The following AMZ1 variants were observed in gnomAD, a reference collection of about 807,000 sequenced individuals.
The protein encoded by AMZ1 is archaelysin family metallopeptidase 1.
In AMZ1, 39 loss-of-function variants were observed where a neutral mutation model predicts 29.9. That is an observed-to-expected ratio of 1.30 (90% CI 1.01 to 1.70). The LOEUF is 1.70. Among genes scored for constraint, AMZ1 ranks in the 40% most tolerant of loss-of-function variants. AMZ1 has a pLI of 0.00. For missense variants in AMZ1, 1,041 were observed against 680.6 expected (o/e 1.53, Z -5.89); for synonymous variants, 458 against 304.0 (o/e 1.51, Z -5.27).
At position 2,713,100 on chromosome 7, in the gene AMZ1, G is replaced by C; in HGVS notation, c.*222G>C. ...AAAAGAAAAATTAAAAAATTAGCTG[G>C]ATGAAGTGGTTCATGCCTGTGTTCC... On this transcript the variant is annotated 3_prime_UTR_variant, in exon 7 of 7. Coordinates refer to ENST00000683327, the MANE Select transcript of AMZ1 (RefSeq NM_001384743.1). 2.3e-6 allele frequency: 1 copy of C among 437,994 alleles called. No individual in the cohort carries two copies. The highest frequency in any genetic ancestry group is 3.9e-6 in the Non-Finnish European group (1 of 257,226). 27.1% of individuals were successfully genotyped at this position (437,994 alleles called of 1,614,324 possible). A position where few individuals can be genotyped will look rare whatever the true frequency, so the allele number is the denominator to read the frequency against.
intron 3 of AMZ1, among the ~76,000 whole-genome samples, chr7:2,704,448 C>G (rs1224442950): frequency 6.6e-6 from 1 of 151,024 alleles, no homozygotes. Context: ...ACTGTATTCC[C>G]CTCTATCCTG....
intron 4 of AMZ1, among the ~76,000 whole-genome samples, chr7:2,739,344 C>T (rs148735069): frequency 2.6e-5 from 4 of 152,308 alleles, no homozygotes; most frequent in South Asian, 2.1e-4. Flanking sequence ...ATGGATTTGC[C>T]GGTTCTGGAT....
chr7:2,692,531 G>A (rs551640227), intron 1 of AMZ1, among the ~76,000 whole-genome samples: 24 of 152,252 alleles, frequency 1.6e-4, no homozygotes, highest in Non-Finnish European at 2.9e-4. Context: ...GATAGAGTGA[G>A]GCTCCATCTC....
At chr7:2,764,275 A>AT (rs1263078314), upstream of AMZ1, among the ~76,000 whole-genome samples, 1 of 145,346 alleles carries the variant, frequency 6.9e-6, no homozygotes, top group African/African-American at 2.6e-5. Context: ...TAAAGATGGG[A>AT]TCTCACTATG....
chr7:2,708,176 G>A (rs575489628), intron 3 of AMZ1, among the ~76,000 whole-genome samples: 10 of 152,194 alleles, frequency 6.6e-5, no homozygotes, highest in Middle Eastern at 3.4e-3. Context: ...GCAGAAAAAC[G>A]CCTCCATCCC....
intron 4 of AMZ1, among the ~76,000 whole-genome samples, chr7:2,725,884 C>A (rs1195489239): frequency 6.6e-6 from 1 of 152,220 alleles, no homozygotes; most frequent in Non-Finnish European, 1.5e-5. Flanking sequence ...CAGACCCTCC[C>A]CTGGTGCCTC....
chr7:2,722,019 C>G (rs1415354881), downstream of AMZ1, among the ~76,000 whole-genome samples: 1 of 152,200 alleles, frequency 6.6e-6, no homozygotes, highest in African/African-American at 2.4e-5. Context: ...CTTGGAGGGG[C>G]TGCACAGAGC....
At chr7:2,709,965 C>T (rs1332243719) in intron 6 of AMZ1, 149 bp downstream of exon 6, 3 of 1,129,310 alleles carry the variant, frequency 2.7e-6, no homozygotes, top group Non-Finnish European at 3.8e-6. Context: ...GGGACCTGCG[C>T]TGGGGTTGAG....
At chr7:2,709,040 C>A (rs376387894) in intron 4 of AMZ1, 35 bp from the exon 5 acceptor site, 2 of 1,533,946 alleles carry the variant, frequency 1.3e-6, no homozygotes, top group Admixed American at 2.1e-5. Flanking sequence ...CCAAGGCTGA[C>A]CCCTGAGAGT....
chr7:2,750,307 A>C (rs1790971300), intron 4 of AMZ1, among the ~76,000 whole-genome samples: 1 of 152,208 alleles, frequency 6.6e-6, no homozygotes, highest in African/African-American at 2.4e-5. Context: ...AGACAGGCAA[A>C]TGCAGAGAAT....
At chr7:2,721,101 C>A (rs575752973), downstream of AMZ1, among the ~76,000 whole-genome samples, 1 of 152,190 alleles carries the variant, frequency 6.6e-6, no homozygotes, top group Non-Finnish European at 1.5e-5. Flanking sequence ...GCAAAACGAC[C>A]GACTCTATTG....
At chr7:2,699,633 G>A (rs1787936047) in intron 1 of AMZ1, among the ~76,000 whole-genome samples, 2 of 152,284 alleles carry the variant, frequency 1.3e-5, no homozygotes, top group South Asian at 4.1e-4. Context: ...GGTGTTGGGG[G>A]GTCCCTAGGT....
upstream of AMZ1, chr7:2,762,513 G>C: frequency 1.0e-6 from 1 of 981,476 alleles, no homozygotes; most frequent in South Asian, 2.0e-5. Context: ...CCTAACTGTG[G>C]ACTACAAAAG....
chr7:2,691,224 C>T (rs570491077), intron 1 of AMZ1, among the ~76,000 whole-genome samples: 2 of 144,406 alleles, frequency 1.4e-5, no homozygotes, highest in East Asian at 4.0e-4. Flanking sequence ...CCAGGGTTTT[C>T]GGGTGGTCAG....
chr7:2,708,672 A>G lies in AMZ1; in HGVS notation c.557A>G (p.His186Arg). ...CTCACACTGTCTGACCTGTACCCCC[A>G]TGAGGCCTGGAGCTTCACCTTCAGC... ...LGLTLSDLYP[H>R]EAWSFTFSKF... is the part of the protein sequence containing the mutation. Residue 186 changes from histidine (H) to arginine (R), a missense_variant, in exon 4 of 7, where the codon CAT (histidine) becomes CGT (arginine). Physicochemically the swap from His to Arg is conservative, Grantham distance 29. Coordinates refer to ENST00000683327, the MANE Select transcript of AMZ1 (RefSeq NM_001384743.1). 3.1e-6 allele frequency: 5 copies of G among 1,613,184 alleles called. 1 individual carries two copies. The highest frequency in any genetic ancestry group is 1.7e-4 in the Middle Eastern group (1 of 6,012).
At chr7:2,729,874 T>C (rs1789800186) in intron 4 of AMZ1, 1 of 152,358 alleles carries the variant, frequency 6.6e-6, no homozygotes, top group South Asian at 2.1e-4. Flanking sequence ...ACCTGGCAGG[T>C]AGCTGGACAA....
At position 2,714,381 on chromosome 7, in the gene AMZ1, G is replaced by C. The variant is rs142320184; in HGVS notation, c.*1503G>C. 6.6e-6 allele frequency: 1 copy of C among 152,362 alleles called. No individual in the cohort carries two copies. The highest frequency in any genetic ancestry group is 2.4e-5 in the African/African-American group (1 of 41,448). 9.4% of individuals were successfully genotyped at this position (152,362 alleles called of 1,614,324 possible). On this transcript the variant is annotated 3_prime_UTR_variant, in exon 7 of 7. Coordinates refer to ENST00000683327, the MANE Select transcript of AMZ1 (RefSeq NM_001384743.1). ...TGGTGGAGGCCGACTGAAGGCTCCC[G>C]GTCCTGGTCCCACTCCGTGTTGACT...
intron 1 of AMZ1, among the ~76,000 whole-genome samples, chr7:2,693,133 C>A (rs186351157): frequency 1.3e-5 from 2 of 152,354 alleles, no homozygotes; most frequent in East Asian, 3.9e-4. Flanking sequence ...GGAGTTTTTG[C>A]TGTTGTTGCC....
At chr7:2,726,790 G>A (rs1280577739) in intron 4 of AMZ1, among the ~76,000 whole-genome samples, 1 of 152,220 alleles carries the variant, frequency 6.6e-6, no homozygotes, top group Non-Finnish European at 1.5e-5. Context: ...CTGAGCATGA[G>A]AGCTCTGGTC....
Sources: allele counts gnomAD v4.1 joint callset (sites outside exome capture counted in the v4.1 genomes callset), GRCh38; gene constraint gnomAD v4.1.1; transcripts MANE v1.5; gene names NCBI Gene and HGNC (gene_info 2026-07-23, HGNC 2026-07-21).